The following MIER2 variants were observed in gnomAD, a reference collection of about 807,000 sequenced individuals.
The protein encoded by MIER2 is mesoderm induction early response protein 2.
A neutral mutation model predicts 67.6 loss-of-function variants in MIER2; 30 were observed. That is an observed-to-expected ratio of 0.44 (90% CI 0.33 to 0.60). The LOEUF (loss-of-function observed/expected upper bound fraction) is 0.60, where lower values mean the gene tolerates loss of function less well. MIER2 is among the 20% of genes least tolerant of loss of function. MIER2 has a pLI of 0.02. For synonymous variants in MIER2, 372 were observed against 312.6 expected (o/e 1.19, Z -2.00); for missense variants, 702 against 745.1 (o/e 0.94, Z 0.67).
chr19:311,663 A>G (rs1017002854), intron 10 of MIER2, among the ~76,000 whole-genome samples, 182 bp downstream of exon 10: 2 of 152,198 alleles, frequency 1.3e-5, no homozygotes, highest in Middle Eastern at 3.2e-3. Context: ...TGGGGACAGG[A>G]AAGGGGCCCA....
chr19:313,439 G>A, intron 8 of MIER2, 53 bp downstream of exon 8: 1 of 1,584,116 alleles, frequency 6.3e-7, no homozygotes, highest in South Asian at 1.2e-5. Context: ...GTGAGCTCTG[G>A]CCCACGCCAC....
chr19:316,955 C>A (rs1971261069), intron 7 of MIER2, among the ~76,000 whole-genome samples: 1 of 152,032 alleles, frequency 6.6e-6, no homozygotes, highest in African/African-American at 2.4e-5. Flanking sequence ...GGCGACAGAA[C>A]AAGACTCTAT....
intron 7 of MIER2, among the ~76,000 whole-genome samples, chr19:324,938 C>T (rs912901155): frequency 6.6e-6 from 1 of 152,240 alleles, no homozygotes; most frequent in Non-Finnish European, 1.5e-5. Context: ...GGGGCACCCC[C>T]GACCAGCCCC....
chr19:317,724 C>G (rs1448101583), intron 7 of MIER2, among the ~76,000 whole-genome samples: 2 of 129,540 alleles, frequency 1.5e-5, no homozygotes, highest in Non-Finnish European at 3.2e-5. Flanking sequence ...GAGTGAGACT[C>G]TGTCTCAAAA....
rs1020296493 is a variant in MIER2, at chr19:306,541, C to T, written c.*149G>A. ...GGGCAAGGGCTCACGGCCCAGCCAC[C>T]TCACCCCAGTCCTGACGTGTTCTGA... On this transcript the variant is annotated 3_prime_UTR_variant, in exon 14 of 14. Transcript: ENST00000264819. 1.8e-6 allele frequency: 2 copies of T among 1,091,140 alleles called. No homozygotes were observed. The highest frequency in any genetic ancestry group is 3.1e-5 in the African/African-American group (2 of 64,044). 67.6% of individuals were successfully genotyped at this position (1,091,140 alleles called of 1,614,324 possible). A position where few individuals can be genotyped will look rare whatever the true frequency, so the allele number is the denominator to read the frequency against.
chr19:327,791 C>T lies in MIER2; in HGVS notation c.369+73G>A. 2.5e-6 allele frequency: 4 copies of T among 1,585,574 alleles called. No homozygotes were observed. In the South Asian group the frequency reaches 4.6e-5, roughly 18 times the overall value. ...TGTGCCTCCTCTCACTGAACACTCC[C>T]CTCTGCAGAGAGGCAGCGCCAGGCC... On this transcript the variant is annotated intron_variant, in intron 4 of 13. Transcript: ENST00000264819.
At chr19:324,327 G>T (rs900459454) in intron 7 of MIER2, among the ~76,000 whole-genome samples, 1 of 134,008 alleles carries the variant, frequency 7.5e-6, no homozygotes, top group Non-Finnish European at 1.5e-5. Flanking sequence ...CAGACAACTC[G>T]AATGACACAG....
chr19:325,957 C>T (rs1218499176), intron 6 of MIER2, among the ~76,000 whole-genome samples: 1 of 152,224 alleles, frequency 6.6e-6, no homozygotes, highest in Non-Finnish European at 1.5e-5. Flanking sequence ...GGAGGACAAA[C>T]ACTCTGGGTC....
At chr19:332,592 G>A (rs900465085) in intron 3 of MIER2, among the ~76,000 whole-genome samples, 9 of 140,962 alleles carry the variant, frequency 6.4e-5, no homozygotes, top group South Asian at 2.5e-4. Flanking sequence ...ATGAGCCACC[G>A]CGCCCAACAA....
intron 5 of MIER2, 134 bp downstream of exon 5, chr19:326,999 C>G (rs1423443015): frequency 7.8e-7 from 1 of 1,286,902 alleles, no homozygotes; most frequent in Non-Finnish European, 1.1e-6. Context: ...GGGCTACTGA[C>G]GCTTCCCGCC....
chr19:306,753 C>T lies in MIER2; in HGVS notation c.1617-42G>A, dbSNP rs138670550. 6.6e-3 allele frequency: 10,324 copies of T among 1,553,100 alleles called. 467 individuals are homozygous for T. In the Admixed American group the frequency reaches 0.12, roughly 18 times the overall value. ...AAGAGAGACGCAGAGAGTGTCAGTG[C>T]GGCCCCACGTGCCTGCACAGCCCAG... On this transcript the variant is annotated intron_variant, in intron 13 of 13. Transcript: ENST00000264819.
intron 1 of MIER2, among the ~76,000 whole-genome samples, chr19:340,053 T>C (rs371394135): frequency 2.6e-5 from 4 of 152,168 alleles, no homozygotes; most frequent in African/African-American, 9.7e-5. Context: ...GTAGTAAGAA[T>C]TTCAATACTT....
In MIER2 at chr19:308,170, C is replaced by T. The variant is rs1274336012; in HGVS notation, c.1198+407G>A. On this transcript the variant is annotated intron_variant, in intron 12 of 13. Transcript: ENST00000264819. The surrounding 1 kb of genome is among the most constrained non-coding windows in gnomAD (Gnocchi z 9.1). ...CCCTACCCGAGGCCCTGCTGTGCTCCGTCATGGCCTCAGGTGCAAGATCCT... is the reference window on the plus strand; with the variant it reads ...CCCTACCCGAGGCCCTGCTGTGCTCTGTCATGGCCTCAGGTGCAAGATCCT... Among the ~76,000 whole-genome samples, 2 of 152,170 alleles carry T rather than the reference C, an allele frequency of 1.3e-5. No individual in the cohort carries two copies. Among genetic ancestry groups the T allele is most frequent in the African/African-American group, 2.4e-5 (1 of 41,434 alleles).
At chr19:344,551 C>G (rs1304367253) in intron 1 of MIER2, 4 of 285,890 alleles carry the variant, frequency 1.4e-5, no homozygotes, top group Non-Finnish European at 2.0e-5. Context: ...CTGCAGCCCG[C>G]GATGTGGCAG....
chr19:320,534 ACAG>A (rs1971458104), intron 7 of MIER2, among the ~76,000 whole-genome samples: 1 of 152,242 alleles, frequency 6.6e-6, no homozygotes, highest in African/African-American at 2.4e-5. Context: ...AGCTGGCCGC[ACAG>A]CAGGAGGTGA....
At chr19:307,064 C>CT in intron 13 of MIER2, 55 bp downstream of exon 13, 3 of 1,515,928 alleles carry the variant, frequency 2.0e-6, no homozygotes, top group Non-Finnish European at 2.7e-6. Context: ...AGCCTGAGGG[C>CT]TGGGGGGACC....
At chr19:319,660 T>C (rs1600135286) in intron 7 of MIER2, among the ~76,000 whole-genome samples, 2 of 152,074 alleles carry the variant, frequency 1.3e-5, no homozygotes, top group South Asian at 2.1e-4. Flanking sequence ...GGTTTCACCA[T>C]GTTGGTCAGG....
intron 7 of MIER2, among the ~76,000 whole-genome samples, chr19:319,849 C>T (rs1317815493): frequency 1.3e-5 from 2 of 152,142 alleles, no homozygotes; most frequent in Non-Finnish European, 2.9e-5. Context: ...GGTACCAAAA[C>T]CAGACACGGA....
intron 1 of MIER2, chr19:344,290 G>A (rs901860889): frequency 7.1e-6 from 7 of 984,956 alleles, no homozygotes; most frequent in African/African-American, 5.2e-5. Context: ...CGCGGGCGGC[G>A]GAGGCGCGGT....
Sources: allele counts gnomAD v4.1 joint callset (sites outside exome capture counted in the v4.1 genomes callset), GRCh38; gene constraint gnomAD v4.1.1; non-coding constraint Gnocchi (gnomAD v3.1); transcripts MANE v1.5; gene names NCBI Gene and HGNC (gene_info 2026-07-23, HGNC 2026-07-21).